CEMIP: variants seen among roughly 807,000 people sequenced by gnomAD.
CEMIP encodes cell migration-inducing and hyaluronan-binding protein.
CEMIP carries 105 observed loss-of-function variants against 156.9 expected under a neutral mutation model. The ratio of observed to expected loss-of-function variants is 0.67; its 90% CI spans 0.57 to 0.79. The LOEUF is 0.79. Ranked by LOEUF, CEMIP falls within the 30% of genes least tolerant of loss-of-function variation. The pLI, the probability that CEMIP is intolerant of heterozygous loss-of-function variation, is 0.00. For missense variants in CEMIP, 1,457 were observed against 1,769.4 expected (o/e 0.82, Z 3.17); for synonymous variants, 676 against 668.4 (o/e 1.01, Z -0.17).
chr15:80,826,039 T>A (rs1244335076), intron 1 of CEMIP, among the ~76,000 whole-genome samples: 1 of 152,242 alleles, frequency 6.6e-6, no homozygotes, highest in African/African-American at 2.4e-5. Flanking sequence ...CTTCACCATC[T>A]GCACGTCTTT....
chr15:80,930,427 G>A (rs374998297), intron 21 of CEMIP, among the ~76,000 whole-genome samples: 1 of 152,184 alleles, frequency 6.6e-6, no homozygotes, highest in Non-Finnish European at 1.5e-5. Flanking sequence ...ACTGAGGCAG[G>A]TTCCTCAAAT....
rs188227110 is a variant in CEMIP at position 80,948,718 on chromosome 15, G to A, written c.3959-79G>A. 2.5e-4 allele frequency: 397 copies of A among 1,596,890 alleles called. 1 individual carries two copies. In the African/African-American group the frequency reaches 3.8e-3, roughly 15 times the overall value. Reference sequence around the variant, plus strand: ...TACCTGGTGGGCGTGGGGGGCTGGCGATGGGGAGCCATGGAACGGGGTGGG... The same window carrying A: ...TACCTGGTGGGCGTGGGGGGCTGGCAATGGGGAGCCATGGAACGGGGTGGG... On this transcript the variant is annotated intron_variant, in intron 29 of 29. Coordinates refer to ENST00000394685, the MANE Select transcript of CEMIP (RefSeq NM_001293298.2).
chr15:80,869,058 C>CTGAAGCCTCTCTCCTTGGCT (rs1402944174), intron 1 of CEMIP, among the ~76,000 whole-genome samples: 6 of 152,160 alleles, frequency 3.9e-5, no homozygotes, highest in South Asian at 4.1e-4. Context: ...TTGGCTTCTT[C>CTGAAGCCTCTCTCCTTGGCT]TGAAGCCTCT....
intron 24 of CEMIP, 61 bp from the exon 25 acceptor site, chr15:80,937,733 C>A: frequency 6.5e-7 from 1 of 1,526,778 alleles, no homozygotes; most frequent in Non-Finnish European, 9.1e-7. Context: ...CCAAGGCATG[C>A]TCCAAAGGCC....
At chr15:80,925,812 AGC>A in intron 19 of CEMIP, 57 bp downstream of exon 19, 1 of 1,581,772 alleles carries the variant, frequency 6.3e-7, no homozygotes, top group Non-Finnish European at 8.6e-7. Flanking sequence ...GTCTTCCCCT[AGC>A]CCCCTACAGA....
chr15:80,823,534 C>G (rs1896957640), intron 1 of CEMIP, among the ~76,000 whole-genome samples: 1 of 152,168 alleles, frequency 6.6e-6, no homozygotes, highest in Admixed American at 6.5e-5. Context: ...ACCTTCTCCC[C>G]TAGACCCTGG....
intron 19 of CEMIP, among the ~76,000 whole-genome samples, chr15:80,926,240 A>G (rs1005071415): frequency 1.3e-5 from 2 of 152,176 alleles, no homozygotes; most frequent in Non-Finnish European, 2.9e-5. Flanking sequence ...TGGAACTTGG[A>G]GCCACAGTTC....
intron 6 of CEMIP, among the ~76,000 whole-genome samples, chr15:80,882,757 T>TACACAC (rs67853416): frequency 9.3e-5 from 14 of 149,962 alleles, no homozygotes; most frequent in Middle Eastern, 3.5e-3. Flanking sequence ...TGCACACACA[T>TACACAC]ACACACACAC....
At chr15:80,822,081 AC>A (rs1220942178) in intron 1 of CEMIP, among the ~76,000 whole-genome samples, 1 of 152,212 alleles carries the variant, frequency 6.6e-6, no homozygotes, top group Non-Finnish European at 1.5e-5. Context: ...TCCCAGTGTT[AC>A]CTGGGATCTG....
At chr15:80,918,243 C>G (rs1900345610) in intron 14 of CEMIP, among the ~76,000 whole-genome samples, 1 of 152,062 alleles carries the variant, frequency 6.6e-6, no homozygotes, top group Admixed American at 6.5e-5. Flanking sequence ...CCACTGCACT[C>G]CAGCCTAGGC....
intron 10 of CEMIP, among the ~76,000 whole-genome samples, chr15:80,894,250 G>A (rs1230175551): frequency 6.6e-6 from 1 of 152,186 alleles, no homozygotes; most frequent in East Asian, 1.9e-4. Flanking sequence ...AGAGTGGATG[G>A]GGCTTAGAAG....
intron 29 of CEMIP, chr15:80,947,591 T>C (rs1293871895): frequency 6.3e-6 from 1 of 157,890 alleles, no homozygotes; most frequent in Non-Finnish European, 1.4e-5. Flanking sequence ...TTGCTGGCTG[T>C]GCTGGAAGAA....
At chr15:80,948,756 T>C in intron 29 of CEMIP, 41 bp from the exon 30 acceptor site, 3 of 1,613,686 alleles carry the variant, frequency 1.9e-6, no homozygotes, top group Non-Finnish European at 8.5e-7. Context: ...AGCCGTCCTC[T>C]CATAGGGCTT....
In CEMIP at chr15:80,951,202, G is replaced by A. The variant is rs1293096417; in HGVS notation, c.*2278G>A. On this transcript the variant is annotated 3_prime_UTR_variant, in exon 30 of 30. Coordinates refer to ENST00000394685, the MANE Select transcript of CEMIP (RefSeq NM_001293298.2). ...TCACACTGTGAACCACTTAGGATGT[G>A]ATCACTTTCAGGTGGCCAGGAATGT... The A allele has an allele frequency of 6.6e-6, 1 of 152,666 alleles. No homozygotes were observed. Among genetic ancestry groups the A allele is most frequent in the Non-Finnish European group, 1.5e-5 (1 of 68,048 alleles). 9.5% of individuals were successfully genotyped at this position (152,666 alleles called of 1,614,324 possible).
intron 1 of CEMIP, among the ~76,000 whole-genome samples, chr15:80,783,281 T>C (rs1165569496): frequency 1.3e-5 from 2 of 152,242 alleles, no homozygotes; most frequent in African/African-American, 4.8e-5. Flanking sequence ...GGTTCCTAAA[T>C]GGGAACAAAG....
intron 20 of CEMIP, 26 bp downstream of exon 20, chr15:80,928,963 G>A (rs1280139298): frequency 6.2e-7 from 1 of 1,614,204 alleles, no homozygotes; most frequent in East Asian, 2.2e-5. Flanking sequence ...ATTGTACTTG[G>A]TCCTCTGTGG....
intron 1 of CEMIP, among the ~76,000 whole-genome samples, chr15:80,858,551 T>TAA (rs59305579): frequency 8.3e-4 from 108 of 130,504 alleles, no homozygotes; most frequent in African/African-American, 1.6e-3. Flanking sequence ...TGGTCTCTAC[T>TAA]AAAAAAAAAA....
chr15:80,869,148 T>C (rs1019353624), intron 1 of CEMIP, among the ~76,000 whole-genome samples: 1 of 152,202 alleles, frequency 6.6e-6, no homozygotes, highest in Non-Finnish European at 1.5e-5. Flanking sequence ...CTCCTTTGTG[T>C]CTGCATCTTA....
rs145173131 is a variant in CEMIP at position 80,858,841 on chromosome 15, A to G, written c.-175-14697A>G. Among the ~76,000 whole-genome samples, 835 of 152,354 alleles carry G rather than the reference A, an allele frequency of 5.5e-3. 12 individuals carry two copies. Among genetic ancestry groups the G allele is most frequent in the African/African-American group, 0.015 (639 of 41,584 alleles). ...AACACAATTCAAACTGGCTTAAATG[A>G]AAAAGGAACTTTGTTGGCTCATGCA... On this transcript the variant is annotated intron_variant, in intron 1 of 29. Transcript: ENST00000394685.
Sources: gnomAD v4.1 joint callset for allele counts (sites outside exome capture counted in the v4.1 genomes callset) on GRCh38, gnomAD v4.1.1 for gene constraint, MANE v1.5 for transcripts, NCBI Gene and HGNC (gene_info 2026-07-23, HGNC 2026-07-21) for gene names.